Variants in ACOXL observed in about 807,000 individuals in gnomAD.
ACOXL encodes the protein acyl-CoA oxidase like.
ACOXL carries 70 observed loss-of-function variants against 71.9 expected under a neutral mutation model. The ratio of observed to expected loss-of-function variants is 0.97; its 90% CI spans 0.80 to 1.19. ACOXL has a LOEUF of 1.19. Among genes scored for constraint, ACOXL ranks in the 50% most tolerant of loss-of-function variants. The pLI is 0.00. For synonymous variants in ACOXL, 253 were observed against 281.6 expected (o/e 0.90, Z 1.02); for missense variants, 703 against 736.3 (o/e 0.95, Z 0.52).
At chr2:110,980,328 G>A (rs747781362) in intron 12 of ACOXL, among the ~76,000 whole-genome samples, 1 of 152,226 alleles carries the variant, frequency 6.6e-6, no homozygotes, top group Non-Finnish European at 1.5e-5. Context: ...CAGGGCTCAC[G>A]CCCCTACTGT....
rs77876127 is a variant in ACOXL at position 110,843,761 on chromosome 2, A to T, written c.788+2356A>T. Among the ~76,000 whole-genome samples the T allele has an allele frequency of 9.3e-3, 1,420 of 152,320 alleles. 26 individuals carry two copies. The highest frequency in any genetic ancestry group is 0.033 in the African/African-American group (1,363 of 41,562). ...GTTTCCCCCTGCTGTGTTTCCAGAGATGTTTGTCTCCAGGCTGTCCTTATA... is the reference window on the plus strand; with the variant it reads ...GTTTCCCCCTGCTGTGTTTCCAGAGTTGTTTGTCTCCAGGCTGTCCTTATA... On this transcript the variant is annotated intron_variant, in intron 10 of 17. Coordinates refer to ENST00000439055, the MANE Select transcript of ACOXL (RefSeq NM_001142807.4).
chr2:111,046,937 G>C (rs1284758342), intron 15 of ACOXL, among the ~76,000 whole-genome samples: 1 of 152,186 alleles, frequency 6.6e-6, no homozygotes, highest in African/African-American at 2.4e-5. Flanking sequence ...GCAGGGCCAG[G>C]CTCAGAGTGG....
chr2:110,801,717 C>A lies in ACOXL; in HGVS notation c.613C>A (p.Leu205Met). 6.2e-7 allele frequency: 1 copy of A among 1,613,734 alleles called. No homozygotes were observed. The highest frequency in any genetic ancestry group is 8.5e-7 in the Non-Finnish European group (1 of 1,179,630). ...DKVRIPRENL[L>M]DKFGSVAPDG... ...GGTTCGGATACCCAGGGAGAACCTG[C>A]TGGATAAGTGAGTAGTTTCTCCTTA... Residue 205 changes from leucine to methionine, a missense_variant, in exon 8 of 18, where the codon CTG becomes ATG. Transcript: ENST00000439055.
chr2:111,105,617 C>T (rs1053251471), intron 17 of ACOXL, among the ~76,000 whole-genome samples: 3 of 152,078 alleles, frequency 2.0e-5, no homozygotes, highest in Non-Finnish European at 2.9e-5. Flanking sequence ...TCTGCATATC[C>T]ATTACTATTA....
Position 110,841,357 on chromosome 2 carries a change from C to G in ACOXL, c.754-14C>G, listed in dbSNP as rs1417783921. The G allele has an allele frequency of 1.2e-6, 2 of 1,600,934 alleles. No homozygotes were observed. Among genetic ancestry groups the G allele is most frequent in the East Asian group, 4.5e-5 (2 of 44,816 alleles). On this transcript the variant is annotated splice_polypyrimidine_tract_variant and intron_variant, in intron 9 of 17. Coordinates refer to ENST00000439055, the MANE Select transcript of ACOXL (RefSeq NM_001142807.4). The stretch of plus-strand genomic sequence containing the variant: ...GATATTACTTAATTTGTTTTTCTCT[C>G]TTTTTAATTACAGCTTGGGTTGACG...
intron 3 of ACOXL, among the ~76,000 whole-genome samples, chr2:110,790,350 C>T (rs1389799619): frequency 6.6e-6 from 1 of 152,168 alleles, no homozygotes; most frequent in Non-Finnish European, 1.5e-5. Context: ...TGCCATAGCC[C>T]CATCCTTTGG....
At chr2:111,025,424 T>C (rs1433540251) in intron 14 of ACOXL, among the ~76,000 whole-genome samples, 1 of 152,234 alleles carries the variant, frequency 6.6e-6, no homozygotes. Context: ...CTAAAGTGGC[T>C]GTAACATTTT....
intron 15 of ACOXL, among the ~76,000 whole-genome samples, 181 bp downstream of exon 15, chr2:111,031,895 C>A (rs148319075): frequency 1.2e-4 from 18 of 152,316 alleles, no homozygotes; most frequent in East Asian, 1.2e-3. Context: ...CAACTCCCAA[C>A]TTACTAGGAA....
chr2:111,005,349 C>T (rs4848366), intron 14 of ACOXL, among the ~76,000 whole-genome samples: 54,251 of 152,072 alleles, frequency 0.36, 10,274 homozygotes, highest in African/African-American at 0.47. Context: ...TTGGAAACAA[C>T]TGCTCTGAGT....
rs1159864641 is a variant in ACOXL at position 111,078,247 on chromosome 2, T to TAATAGACATAATTTA, written c.1441-14618_1441-14617insAATAGACATAATTTA. 2.6e-5 allele frequency among the ~76,000 whole-genome samples: 4 copies of TAATAGACATAATTTA among 152,256 alleles called. No individual in the cohort carries two copies. The East Asian group carries it at 7.7e-4, about 29-fold the overall frequency. The stretch of plus-strand genomic sequence containing the variant: ...CAGTTCTAAAATGTCTACTTGATTC[T>TAATAGACATAATTTA]CTTTTATGTTTTATATTTCTTTCTT... On this transcript the variant is annotated intron_variant, in intron 16 of 17. Transcript: ENST00000439055.
chr2:110,932,642 T>C (rs997145345), intron 11 of ACOXL, among the ~76,000 whole-genome samples: 1 of 152,210 alleles, frequency 6.6e-6, no homozygotes, highest in Non-Finnish European at 1.5e-5. Flanking sequence ...ACAAGAGGCA[T>C]GTGAAACCTT....
intron 16 of ACOXL, among the ~76,000 whole-genome samples, chr2:111,054,380 G>T (rs1341725263): frequency 6.6e-6 from 1 of 152,184 alleles, no homozygotes; most frequent in African/African-American, 2.4e-5. Flanking sequence ...ATGATACCTT[G>T]ATCTAAGCAG....
intron 9 of ACOXL, among the ~76,000 whole-genome samples, chr2:110,832,544 CAA>C (rs769471148): frequency 6.3e-4 from 28 of 44,306 alleles, no homozygotes; most frequent in African/African-American, 1.9e-3. Context: ...GACTCCATCT[CAA>C]AAAAAAAAAA....
chr2:111,004,492 C>T (rs974656306), intron 14 of ACOXL, among the ~76,000 whole-genome samples: 1 of 152,130 alleles, frequency 6.6e-6, no homozygotes, highest in African/African-American at 2.4e-5. Context: ...CAGAATTTCA[C>T]TTAAAATGGA....
intron 13 of ACOXL, among the ~76,000 whole-genome samples, chr2:110,991,327 A>T (rs1279296825): frequency 1.3e-5 from 2 of 152,008 alleles, no homozygotes; most frequent in African/African-American, 4.8e-5. Context: ...TCTCATTCAG[A>T]TGTTTGACTG....
chr2:110,958,506 C>G (rs562589947), intron 12 of ACOXL, among the ~76,000 whole-genome samples: 62 of 152,314 alleles, frequency 4.1e-4, no homozygotes, highest in African/African-American at 1.4e-3. Flanking sequence ...GGCTTCCATT[C>G]AGTTGGCAGC....
chr2:110,904,056 G>T (rs1401027185), intron 10 of ACOXL, among the ~76,000 whole-genome samples: 4 of 152,238 alleles, frequency 2.6e-5, no homozygotes, highest in South Asian at 2.1e-4. Flanking sequence ...CCTTGGAGAA[G>T]CCAGAGAGCA....
chr2:111,117,977 C>A lies in ACOXL; in HGVS notation c.*161C>A. On this transcript the variant is annotated 3_prime_UTR_variant, in exon 18 of 18. Coordinates refer to ENST00000439055, the MANE Select transcript of ACOXL (RefSeq NM_001142807.4). ...AGGTCCCGCCGAGGCTGGCGAGGTGCGCGGCTGGCTGCTAGGAAAGAGATC... is the reference window on the plus strand; with the variant it reads ...AGGTCCCGCCGAGGCTGGCGAGGTGAGCGGCTGGCTGCTAGGAAAGAGATC... 1.2e-6 allele frequency: 1 copy of A among 825,964 alleles called. No homozygotes were observed. The highest frequency in any genetic ancestry group is 1.8e-6 in the Non-Finnish European group (1 of 543,322). 51.2% of individuals were successfully genotyped at this position (825,964 alleles called of 1,614,324 possible).
At chr2:111,046,537 G>A (rs534188381) in intron 15 of ACOXL, among the ~76,000 whole-genome samples, 16 of 152,174 alleles carry the variant, frequency 1.1e-4, no homozygotes, top group African/African-American at 3.4e-4. Context: ...AAGCAAACAC[G>A]TCCTTCTTCA....
Sources: gnomAD v4.1 joint callset for allele counts (sites outside exome capture counted in the v4.1 genomes callset) on GRCh38, gnomAD v4.1.1 for gene constraint, MANE v1.5 for transcripts, NCBI Gene and HGNC (gene_info 2026-07-23, HGNC 2026-07-21) for gene names.